The following ATP23 variants were observed in gnomAD, a reference collection of about 807,000 sequenced individuals.
ATP23 encodes mitochondrial inner membrane protease ATP23 homolog.
Under a neutral mutation model 28.5 loss-of-function variants are expected in ATP23, and 24 were observed. The ratio of observed to expected loss-of-function variants is 0.84; its 90% CI spans 0.61 to 1.18. The LOEUF (loss-of-function observed/expected upper bound fraction) is 1.18, where lower values mean the gene tolerates loss of function less well. ATP23 is among the 50% of genes most tolerant of loss of function. ATP23 has a pLI of 0.00. For missense variants in ATP23, 274 were observed against 306.4 expected (o/e 0.89, Z 0.79); for synonymous variants, 99 against 108.6 (o/e 0.91, Z 0.55).
At chr12:57,952,610 T>C (rs1956826215) in intron 4 of ATP23, among the ~76,000 whole-genome samples, 3 of 152,232 alleles carry the variant, frequency 2.0e-5, no homozygotes, top group African/African-American at 7.2e-5. Flanking sequence ...ATAATCTAAA[T>C]CTCAAGCCTA....
intron 5 of ATP23, among the ~76,000 whole-genome samples, chr12:57,953,910 T>C (rs1272861659): frequency 1.3e-5 from 2 of 152,042 alleles, no homozygotes; most frequent in East Asian, 1.9e-4. Flanking sequence ...AGTCTAATAA[T>C]GAAAAGAGGC....
intron 2 of ATP23, among the ~76,000 whole-genome samples, chr12:57,946,705 C>G (rs1956764888): frequency 6.6e-6 from 1 of 152,064 alleles, no homozygotes; most frequent in South Asian, 2.1e-4. Context: ...ATCCACCTGC[C>G]TCGGCCTCCC....
At position 57,958,658 on chromosome 12, in the gene ATP23, C is replaced by T. The variant is rs1032312922; in HGVS notation, c.*1768C>T. ...ACAACAATCACAGCAGTTTGGCTTA[C>T]AGGAAGCCACATCCATCGGAAAAGG... On this transcript the variant is annotated 3_prime_UTR_variant, in exon 6 of 6. Coordinates refer to ENST00000300145, the MANE Select transcript of ATP23 (RefSeq NM_033276.4). Among the ~76,000 whole-genome samples the T allele has an allele frequency of 6.6e-6, 1 of 152,186 alleles. No homozygotes were observed. Among genetic ancestry groups the T allele is most frequent in the Non-Finnish European group, 1.5e-5 (1 of 68,032 alleles).
At chr12:57,956,420 CT>C (rs2140544265) in intron 5 of ATP23, among the ~76,000 whole-genome samples, 1 of 146,234 alleles carries the variant, frequency 6.8e-6, no homozygotes, top group East Asian at 2.0e-4. Context: ...CCAAGAATTT[CT>C]GAGAATGACA....
chr12:57,957,870 G>T lies in ATP23; in HGVS notation c.*980G>T, dbSNP rs887871161. The stretch of plus-strand genomic sequence containing the variant: ...GCTGAACTTTGTAACTATTTCAATG[G>T]GGCAAGAAGCCTCCCGGCCAGAACT... On this transcript the variant is annotated 3_prime_UTR_variant, in exon 6 of 6. Transcript: ENST00000300145. Among the ~76,000 whole-genome samples, 4 of 152,156 alleles carry T rather than the reference G, an allele frequency of 2.6e-5. No individual in the cohort carries two copies. The highest frequency in any genetic ancestry group is 9.7e-5 in the African/African-American group (4 of 41,436).
At chr12:57,944,142 A>G (rs1379743129) in intron 1 of ATP23, among the ~76,000 whole-genome samples, 1 of 151,488 alleles carries the variant, frequency 6.6e-6, no homozygotes, top group Non-Finnish European at 1.5e-5. Flanking sequence ...CATGAATAAT[A>G]ATGTGCTTAA....
chr12:57,949,455 T>G (rs757332624), intron 3 of ATP23, among the ~76,000 whole-genome samples: 8 of 152,168 alleles, frequency 5.3e-5, no homozygotes, highest in Non-Finnish European at 1.0e-4. Flanking sequence ...ACACCTCTAC[T>G]TGAGCATCTT....
chr12:57,948,276 T>A (rs976418761), intron 3 of ATP23, among the ~76,000 whole-genome samples: 1 of 152,104 alleles, frequency 6.6e-6, no homozygotes, highest in Admixed American at 6.5e-5. Context: ...ATTTTATTAT[T>A]ATTTTTTAAA....
Position 57,941,870 on chromosome 12 carries a change from C to G in ATP23, c.169C>G (p.Leu57Val). 6.2e-7 allele frequency: 1 copy of G among 1,613,540 alleles called. No individual in the cohort carries two copies. ...CAACCAGAAGTGCCAGCTTAGGCTC[C>G]TGAAGACGCTGGAGACAAGTAGGAG... ...TSNQKCQLRLLKTLETNPYVK... is the reference protein window; with the variant it reads ...TSNQKCQLRLVKTLETNPYVK... The change falls in exon 1 of 6, where the codon CTG (leucine) becomes GTG (valine). Residue 57 changes from leucine (L) to valine (V), a missense_variant. Coordinates refer to ENST00000300145, the MANE Select transcript of ATP23 (RefSeq NM_033276.4).
chr12:57,955,327 A>T (rs988469474), intron 5 of ATP23, among the ~76,000 whole-genome samples: 3 of 143,140 alleles, frequency 2.1e-5, no homozygotes, highest in Non-Finnish European at 4.5e-5. Flanking sequence ...TAGGTTTGTG[A>T]TGCACACAAT....
intron 2 of ATP23, among the ~76,000 whole-genome samples, chr12:57,945,979 C>T (rs570342887): frequency 6.6e-6 from 1 of 151,876 alleles, no homozygotes; most frequent in South Asian, 2.1e-4. Context: ...AATTCTTCTC[C>T]CTCAGTCTCC....
rs377196393 is a variant in ATP23, at chr12:57,955,280, G to T, written c.538-1407G>T. ...TTGATATACTAAAGAAATAGAGCAT[G>T]TTTTTTTTTTTTTTAATTCACCTTC... On this transcript the variant is annotated intron_variant, in intron 5 of 5. Transcript: ENST00000300145. Among the ~76,000 whole-genome samples the T allele has an allele frequency of 2.1e-3, 305 of 142,138 alleles. 3 individuals are homozygous for T. The highest frequency in any genetic ancestry group is 7.6e-3 in the African/African-American group (289 of 38,038). The allele number at this position is 142,138 out of a possible 152,430, so 93.2% of individuals were successfully genotyped here. A position where few individuals can be genotyped will look rare whatever the true frequency, so the allele number is the denominator to read the frequency against.
chr12:57,953,730 C>T (rs368625083), intron 5 of ATP23, 41 bp downstream of exon 5: 49 of 1,502,300 alleles, frequency 3.3e-5, no homozygotes, highest in African/African-American at 6.9e-5. Flanking sequence ...CAGAGTGTTA[C>T]GAGTGGAAAT....
intron 3 of ATP23, among the ~76,000 whole-genome samples, chr12:57,950,839 T>C (rs2140535554): frequency 6.6e-6 from 1 of 152,350 alleles, no homozygotes; most frequent in South Asian, 2.1e-4. Flanking sequence ...TCATTGTATA[T>C]GCTCATGACA....
rs111763507 is a variant in ATP23, at chr12:57,957,613, C to G, written c.*723C>G. 4.1e-4 allele frequency among the ~76,000 whole-genome samples: 62 copies of G among 152,156 alleles called. 1 individual carries two copies. In the South Asian group the frequency reaches 0.013, roughly 32 times the overall value. On this transcript the variant is annotated 3_prime_UTR_variant, in exon 6 of 6. Transcript: ENST00000300145. Reference sequence around the variant, plus strand: ...GGAGACCCTCCTCTCCCACACACACCCCCCCACTGGAGAAACTGAAGGTCT... The same window carrying G: ...GGAGACCCTCCTCTCCCACACACACGCCCCCACTGGAGAAACTGAAGGTCT...
chr12:57,953,956 A>G (rs1956840283), intron 5 of ATP23, among the ~76,000 whole-genome samples: 3 of 152,086 alleles, frequency 2.0e-5, no homozygotes, highest in Admixed American at 2.0e-4. Context: ...GCAGTTTGGG[A>G]GGCCGAGGCG....
In ATP23 at chr12:57,951,829, T is replaced by G; in HGVS notation, c.387T>G (p.His129Gln). Residue 129 changes from histidine (H) to glutamine (Q), a missense_variant, in exon 4 of 6, where the codon CAT becomes CAG. Physicochemically the swap from His to Gln is conservative, Grantham distance 24 (BLOSUM62 0). Coordinates refer to ENST00000300145, the MANE Select transcript of ATP23 (RefSeq NM_033276.4). ...MNRVVTHELI[H>Q]AFDHCRAHVD... The stretch of plus-strand genomic sequence containing the variant: ...GAGTGGTCACACACGAGCTTATTCA[T>G]GCATTTGATCATTGTCGTGCCCATG... 1 of 1,614,194 alleles carries G rather than the reference T, an allele frequency of 6.2e-7. No individual in the cohort carries two copies. The highest frequency in any genetic ancestry group is 8.5e-7 in the Non-Finnish European group (1 of 1,180,032).
rs766959594 is a variant in ATP23 at position 57,943,981 on chromosome 12, C to CTTTT, written c.188-1632_188-1629dup. ...TGGAAACCAGACCTCATGGGAGTCT[C>CTTTT]TTTTTTTTTTTTTTTTTTCACCAAA... On this transcript the variant is annotated intron_variant, in intron 1 of 5. Coordinates refer to ENST00000300145, the MANE Select transcript of ATP23 (RefSeq NM_033276.4). Among the ~76,000 whole-genome samples, 315 of 95,032 alleles carry CTTTT rather than the reference C, an allele frequency of 3.3e-3. 5 individuals are homozygous for CTTTT. The East Asian group carries it at 0.055, about 17-fold the overall frequency. 62.3% of individuals were successfully genotyped at this position (95,032 alleles called of 152,430 possible).
intron 3 of ATP23, among the ~76,000 whole-genome samples, chr12:57,949,442 T>G (rs1225409764): frequency 6.6e-6 from 1 of 152,192 alleles, no homozygotes; most frequent in African/African-American, 2.4e-5. Context: ...AAGTGCCCAT[T>G]TAACACCTCT....
Sources: gnomAD v4.1 joint callset for allele counts (sites outside exome capture counted in the v4.1 genomes callset) on GRCh38, gnomAD v4.1.1 for gene constraint, MANE v1.5 for transcripts, NCBI Gene and HGNC (gene_info 2026-07-23, HGNC 2026-07-21) for gene names.